The following MSRB3 variants were observed in gnomAD, a reference collection of about 807,000 sequenced individuals.
The protein encoded by MSRB3 is methionine sulfoxide reductase B3.
Under a neutral mutation model 21.0 loss-of-function variants are expected in MSRB3, and 13 were observed. The observed-to-expected ratio is 0.62, with a 90% CI of 0.40 to 0.98. The LOEUF (loss-of-function observed/expected upper bound fraction) is 0.98. Ranked by LOEUF, MSRB3 falls within the 50% of genes least tolerant of loss-of-function variation. MSRB3 has a pLI of 0.00. For missense variants in MSRB3, 199 were observed against 230.3 expected (o/e 0.86, Z 0.88); for synonymous variants, 87 against 88.6 (o/e 0.98, Z 0.10).
At chr12:65,444,883 T>C (rs1882544178) in intron 5 of MSRB3, among the ~76,000 whole-genome samples, 1 of 152,208 alleles carries the variant, frequency 6.6e-6, no homozygotes, top group Non-Finnish European at 1.5e-5. Context: ...CTTATTCTTT[T>C]GCTTAACATT....
intron 5 of MSRB3, among the ~76,000 whole-genome samples, chr12:65,404,107 C>T (rs1203706046): frequency 6.6e-6 from 1 of 152,144 alleles, no homozygotes; most frequent in Admixed American, 6.5e-5. Flanking sequence ...ACCATGTTGC[C>T]CAGACTGAGG....
intron 1 of MSRB3, among the ~76,000 whole-genome samples, chr12:65,300,693 T>C (rs1873273541): frequency 2.6e-5 from 4 of 152,246 alleles, no homozygotes; most frequent in African/African-American, 9.6e-5. Context: ...GCTGAAGGTT[T>C]AGTTCTTCTT....
intron 4 of MSRB3, among the ~76,000 whole-genome samples, chr12:65,346,424 A>C (rs528370411): frequency 6.6e-6 from 1 of 151,836 alleles, no homozygotes; most frequent in South Asian, 2.1e-4. Context: ...CCACTTTTTG[A>C]TGGGGTTGTT....
rs73322372 is a variant in MSRB3 at position 65,454,040 on chromosome 12, T to A, written c.390+215T>A. 1.2e-4 allele frequency: 80 copies of A among 658,286 alleles called. No homozygotes were observed. The African/African-American group carries it at 1.3e-3, about 11-fold the overall frequency. 40.8% of individuals were successfully genotyped at this position (658,286 alleles called of 1,614,324 possible). On this transcript the variant is annotated intron_variant, in intron 6 of 6. Coordinates refer to ENST00000308259, the MANE Select transcript of MSRB3 (RefSeq NM_001031679.3). ...AGCTCAAGCCTGTAATCCCATACTT[T>A]GAGAGGGCCAAGTGGGGAGGATCAC...
chr12:65,344,503 A>G (rs1168677342), intron 4 of MSRB3, among the ~76,000 whole-genome samples: 1 of 152,032 alleles, frequency 6.6e-6, no homozygotes, highest in African/African-American at 2.4e-5. Context: ...GTGTGGTTCA[A>G]TATGAGACCC....
chr12:65,288,081 G>A (rs1872480205), intron 1 of MSRB3, among the ~76,000 whole-genome samples: 2 of 151,998 alleles, frequency 1.3e-5, no homozygotes, highest in African/African-American at 4.8e-5. Context: ...GAGTCGGGCG[G>A]ATCACGAGGT....
At chr12:65,383,154 G>C (rs545446304) in intron 5 of MSRB3, among the ~76,000 whole-genome samples, 1 of 151,944 alleles carries the variant, frequency 6.6e-6, no homozygotes, top group African/African-American at 2.4e-5. Flanking sequence ...AAATTTTAAC[G>C]TCAAAATGAA....
intron 3 of MSRB3, 78 bp downstream of exon 3, chr12:65,327,012 A>G (rs1875091598): frequency 9.8e-7 from 1 of 1,018,668 alleles, no homozygotes; most frequent in South Asian, 1.4e-5. Flanking sequence ...TTTCCTTGCC[A>G]ATTAATTTAA....
intron 5 of MSRB3, among the ~76,000 whole-genome samples, chr12:65,445,317 G>A (rs753312795): frequency 1.2e-4 from 18 of 151,150 alleles, no homozygotes; most frequent in Non-Finnish European, 2.4e-4. Context: ...CTCTTATCCC[G>A]AATCCCTCCA....
At chr12:65,289,216 C>T (rs1039750458) in intron 1 of MSRB3, among the ~76,000 whole-genome samples, 9 of 152,130 alleles carry the variant, frequency 5.9e-5, no homozygotes, top group African/African-American at 1.7e-4. Context: ...TGTTATTGGC[C>T]GGGCGTGGTG....
chr12:65,461,161 A>G (rs1883313318), intron 6 of MSRB3, among the ~76,000 whole-genome samples: 2 of 152,270 alleles, frequency 1.3e-5, no homozygotes, highest in Non-Finnish European at 2.9e-5. Flanking sequence ...TGCATCTGAG[A>G]TCAGTAATTG....
chr12:65,337,305 A>C (rs1191932390), intron 4 of MSRB3, among the ~76,000 whole-genome samples: 1 of 151,632 alleles, frequency 6.6e-6, no homozygotes, highest in Admixed American at 6.6e-5. Context: ...ATGGTGATGC[A>C]TGCCTGTAGT....
rs1873960343 is a variant in MSRB3 at position 65,311,133 on chromosome 12, TTA to T, written c.76+2480_76+2481del. Among the ~76,000 whole-genome samples, 4 of 152,264 alleles carry T rather than the reference TTA, an allele frequency of 2.6e-5. No individual in the cohort carries two copies. In the South Asian group the frequency reaches 8.3e-4, roughly 32 times the overall value. ...CTTTCATGGGACTCACAAATACACT[TTA>T]TGTTTGAGGAATAACCATCTTGACC... On this transcript the variant is annotated intron_variant, in intron 2 of 6. Transcript: ENST00000308259.
intron 4 of MSRB3, among the ~76,000 whole-genome samples, chr12:65,356,589 G>A (rs1877398385): frequency 6.6e-6 from 1 of 151,808 alleles, no homozygotes; most frequent in African/African-American, 2.4e-5. Context: ...TAGGCAAAAA[G>A]TTACTTTGGA....
chr12:65,418,605 GT>G, intron 5 of MSRB3: 1 of 573,694 alleles, frequency 1.7e-6, no homozygotes. Context: ...TGTTCTCGTA[GT>G]TTTACAGTTT....
intron 5 of MSRB3, among the ~76,000 whole-genome samples, chr12:65,452,583 A>C (rs1254548321): frequency 6.6e-6 from 1 of 152,148 alleles, no homozygotes; most frequent in African/African-American, 2.4e-5. Context: ...TTTGAGCTCA[A>C]ATCAAGGAAT....
intron 4 of MSRB3, among the ~76,000 whole-genome samples, chr12:65,348,383 A>G (rs201851235): frequency 3.9e-5 from 6 of 152,068 alleles, no homozygotes; most frequent in Non-Finnish European, 5.9e-5. Context: ...AGAGGTGTTT[A>G]TAGTATTCTC....
At chr12:65,443,114 A>G (rs992200840) in intron 5 of MSRB3, among the ~76,000 whole-genome samples, 1 of 152,148 alleles carries the variant, frequency 6.6e-6, no homozygotes, top group East Asian at 1.9e-4. Context: ...GATGAAATCC[A>G]TACCAATTAG....
intron 5 of MSRB3, among the ~76,000 whole-genome samples, chr12:65,423,167 G>A (rs955496252): frequency 3.3e-5 from 5 of 151,950 alleles, no homozygotes; most frequent in Non-Finnish European, 7.4e-5. Flanking sequence ...TCACCATGTT[G>A]ACCAGGCTTG....
Sources: gnomAD v4.1 joint callset for allele counts (sites outside exome capture counted in the v4.1 genomes callset) on GRCh38, gnomAD v4.1.1 for gene constraint, MANE v1.5 for transcripts, NCBI Gene and HGNC (gene_info 2026-07-23, HGNC 2026-07-21) for gene names.